GRHL2: variants seen among roughly 807,000 people sequenced by gnomAD.
GRHL2 encodes the protein grainyhead-like protein 2 homolog.
GRHL2 carries 21 observed loss-of-function variants against 83.8 expected under a neutral mutation model. That is an observed-to-expected ratio of 0.25 (90% CI 0.18 to 0.36). The LOEUF (loss-of-function observed/expected upper bound fraction) is 0.36. Ranked by LOEUF, GRHL2 falls within the 10% of genes least tolerant of loss-of-function variation. The pLI is 1.00. For synonymous variants in GRHL2, 280 were observed against 278.9 expected (o/e 1.00, Z -0.04); for missense variants, 623 against 781.8 (o/e 0.80, Z 2.42).
chr8:101,528,618 A>G (rs1324675043), intron 1 of GRHL2: 6 of 176,828 alleles, frequency 3.4e-5, no homozygotes, highest in Non-Finnish European at 6.1e-5. Context: ...GAAGAATCAC[A>G]GAAATGGAAA....
intron 1 of GRHL2, among the ~76,000 whole-genome samples, chr8:101,504,942 C>T (rs187551438): frequency 3.4e-3 from 516 of 150,428 alleles, no homozygotes; most frequent in Non-Finnish European, 5.3e-3. Flanking sequence ...AACTGGCCTC[C>T]CAGAGTCACT....
chr8:101,659,100 G>C (rs1813861899), intron 14 of GRHL2, among the ~76,000 whole-genome samples: 1 of 152,154 alleles, frequency 6.6e-6, no homozygotes, highest in Admixed American at 6.5e-5. Context: ...CCATGCTTAT[G>C]ATATAGGAAA....
chr8:101,627,132 TTCTACATTGAACA>T (rs1346577773), intron 9 of GRHL2, among the ~76,000 whole-genome samples: 1 of 152,132 alleles, frequency 6.6e-6, no homozygotes, highest in Non-Finnish European at 1.5e-5. Context: ...TTTGCTAAAA[TTCTACATTGAACA>T]TACAGGCTTA....
At chr8:101,577,655 G>T in intron 7 of GRHL2, 136 bp downstream of exon 7, 1 of 709,184 alleles carries the variant, frequency 1.4e-6, no homozygotes. Context: ...TCTATGTCAG[G>T]ACATTTAGTG....
At chr8:101,552,046 G>A (rs184699214) in intron 2 of GRHL2, among the ~76,000 whole-genome samples, 224 of 151,968 alleles carry the variant, frequency 1.5e-3, no homozygotes, top group East Asian at 0.012. Context: ...TGTGTTAGCC[G>A]GGATGGTCTC....
intron 1 of GRHL2, among the ~76,000 whole-genome samples, chr8:101,520,625 T>A (rs2130043445): frequency 6.6e-6 from 1 of 152,274 alleles, no homozygotes; most frequent in South Asian, 2.1e-4. Flanking sequence ...GAAAAGAGTT[T>A]GATCAAGATG....
At chr8:101,564,720 G>A (rs1811678739) in intron 4 of GRHL2, among the ~76,000 whole-genome samples, 1 of 150,904 alleles carries the variant, frequency 6.6e-6, no homozygotes, top group South Asian at 2.1e-4. Flanking sequence ...GCTGAGGCGG[G>A]AGGATTGCTT....
intron 7 of GRHL2, among the ~76,000 whole-genome samples, chr8:101,585,070 G>A (rs1276323103): frequency 2.1e-4 from 32 of 152,236 alleles, no homozygotes; most frequent in Admixed American, 1.1e-3. Flanking sequence ...CAGGTGGTCA[G>A]GTAGCCAAGT....
intron 1 of GRHL2, among the ~76,000 whole-genome samples, chr8:101,514,644 C>T (rs555943192): frequency 5.5e-4 from 84 of 152,302 alleles, no homozygotes; most frequent in Middle Eastern, 3.4e-3. Flanking sequence ...GCTGCTCTCC[C>T]GGCAGCTGGA....
chr8:101,493,397 T>C (rs1226927653), intron 1 of GRHL2, among the ~76,000 whole-genome samples: 2 of 150,996 alleles, frequency 1.3e-5, no homozygotes, highest in African/African-American at 2.4e-5. Flanking sequence ...GCCGGCGCCG[T>C]CCCCCACTCC....
chr8:101,671,782 T>A (rs28799372), downstream of GRHL2, among the ~76,000 whole-genome samples: 49 of 151,982 alleles, frequency 3.2e-4, no homozygotes, highest in African/African-American at 1.1e-3. Flanking sequence ...CTGGGAGGCA[T>A]CCCCTAGTAG....
intron 9 of GRHL2, among the ~76,000 whole-genome samples, chr8:101,623,312 T>G (rs1195874088): frequency 6.6e-6 from 1 of 152,216 alleles, no homozygotes; most frequent in African/African-American, 2.4e-5. Flanking sequence ...GGTAGGACAG[T>G]AGGACAGTAC....
chr8:101,507,100 C>T (rs1276509232), intron 1 of GRHL2, among the ~76,000 whole-genome samples: 1 of 152,074 alleles, frequency 6.6e-6, no homozygotes, highest in Non-Finnish European at 1.5e-5. Context: ...GAGGCCTGTT[C>T]TTATTTTTCA....
rs756911477 is a variant in GRHL2, at chr8:101,666,725, T to C, written c.*22T>C. ...CTAGCCCTGGGTTTGGCATCCGCTT[T>C]GGCTGGAGCTCTCAGTGCGTTCCTC... On this transcript the variant is annotated 3_prime_UTR_variant, in exon 16 of 16. Coordinates refer to ENST00000646743, the MANE Select transcript of GRHL2 (RefSeq NM_024915.4). The C allele has an allele frequency of 2.1e-6, 3 of 1,447,760 alleles. No individual in the cohort carries two copies. In the African/African-American group the frequency reaches 4.2e-5, roughly 20 times the overall value. 89.7% of individuals were successfully genotyped at this position (1,447,760 alleles called of 1,614,324 possible).
At chr8:101,622,111 A>G (rs955349951) in intron 9 of GRHL2, among the ~76,000 whole-genome samples, 7 of 152,204 alleles carry the variant, frequency 4.6e-5, no homozygotes, top group Admixed American at 6.5e-5. Flanking sequence ...TTGAAAAAAG[A>G]AAATAATATT....
intron 14 of GRHL2, among the ~76,000 whole-genome samples, chr8:101,652,362 T>TGTGTGTG: frequency 2.0e-5 from 1 of 50,822 alleles, no homozygotes; most frequent in African/African-American, 1.2e-4. Context: ...GTGTGTGGTG[T>TGTGTGTG]GTGTGTGTCT....
rs942626130 is a variant in GRHL2 at position 101,668,187 on chromosome 8, T to C, written c.*1484T>C. ...AATGATGAACCATCATGGGCCACTG[T>C]TCTCTTTGAGGGGACAGGTTTAGGG... On this transcript the variant is annotated 3_prime_UTR_variant, in exon 16 of 16. Coordinates refer to ENST00000646743, the MANE Select transcript of GRHL2 (RefSeq NM_024915.4). 2.6e-5 allele frequency: 4 copies of C among 152,760 alleles called. No homozygotes were observed. The highest frequency in any genetic ancestry group is 4.1e-4 in the South Asian group (2 of 4,828). 9.5% of individuals were successfully genotyped at this position (152,760 alleles called of 1,614,324 possible). A position where few individuals can be genotyped will look rare whatever the true frequency, so the allele number is the denominator to read the frequency against.
chr8:101,513,849 CTT>C (rs1810515427), intron 1 of GRHL2, among the ~76,000 whole-genome samples: 1 of 152,060 alleles, frequency 6.6e-6, no homozygotes, highest in African/African-American at 2.4e-5. Context: ...AGCTGGGAAA[CTT>C]TCCGTGCTTT....
At chr8:101,591,111 G>A (rs976505141) in intron 7 of GRHL2, among the ~76,000 whole-genome samples, 9 of 151,932 alleles carry the variant, frequency 5.9e-5, no homozygotes, top group Admixed American at 2.0e-4. Flanking sequence ...CCTATTAACA[G>A]GCCAGTGATT....
Sources: gnomAD v4.1 joint callset for allele counts (sites outside exome capture counted in the v4.1 genomes callset) on GRCh38, gnomAD v4.1.1 for gene constraint, MANE v1.5 for transcripts, NCBI Gene and HGNC (gene_info 2026-07-23, HGNC 2026-07-21) for gene names.